The following SAMD9 variants were observed in gnomAD, a reference collection of about 807,000 sequenced individuals.
SAMD9 encodes sterile alpha motif domain containing 9, also known as sterile alpha motif domain-containing protein 9.
A neutral mutation model predicts 1.5 loss-of-function variants in SAMD9; 3 were observed. The ratio of observed to expected loss-of-function variants is 2.05; its 90% CI spans 0.93 to 5.29. The LOEUF (loss-of-function observed/expected upper bound fraction) is 5.29, where lower values mean the gene tolerates loss of function less well. Ranked by LOEUF, SAMD9 falls within the 30% of genes most tolerant of loss-of-function variation. The pLI, the probability that SAMD9 is intolerant of heterozygous loss-of-function variation, is 0.02. For synonymous variants in SAMD9, 635 were observed against 631.9 expected (o/e 1.00, Z -0.07); for missense variants, 1,597 against 1,820.8 (o/e 0.88, Z 2.24).
In SAMD9 at chr7:93,105,723, C is replaced by T. The variant is rs200242487; in HGVS notation, c.375G>A (p.Pro125=). ...CTTTAGCAGTTGTACTCATTGCAGA[C>T]GGATTAGCCATATCTGGGTTCTCTT... is the stretch of plus-strand genomic sequence containing the variant. The part of the protein sequence containing the change: ...KGKENPDMAN[P]SAMSTTAKGS... The change falls in exon 3 of 3, where the codon CCG becomes CCA. Residue 125 remains proline (P), a synonymous_variant. Transcript: ENST00000379958. The T allele has an allele frequency of 7.8e-5, 126 of 1,614,014 alleles. 1 individual carries two copies. Among genetic ancestry groups the T allele is most frequent in the Admixed American group, 1.2e-4 (7 of 60,004 alleles).
chr7:93,116,879 AT>A (rs1374070841), intron 1 of SAMD9, among the ~76,000 whole-genome samples: 3 of 152,146 alleles, frequency 2.0e-5, no homozygotes, highest in African/African-American at 7.2e-5. Flanking sequence ...ACCCACATAC[AT>A]TTTTTAACTC....
chr7:93,116,174 G>T (rs1275092494), intron 1 of SAMD9, among the ~76,000 whole-genome samples: 1 of 152,012 alleles, frequency 6.6e-6, no homozygotes, highest in African/African-American at 2.4e-5. Flanking sequence ...CATCAACTTG[G>T]ACCTTTCACA....
In SAMD9 at chr7:93,104,825, T is replaced by A; in HGVS notation, c.1273A>T (p.Thr425Ser). Residue 425 changes from threonine (T) to serine (S), a missense_variant, in exon 3 of 3, where the codon ACA becomes TCA. Transcript: ENST00000379958. ...TCCTTCAGGAAATCTAAGTGTTTTG[T>A]TTGATCTGGGTGGCATTTATTTGTT... ...LVTNKCHPDQ[T>S]KHLDFLKEIK... The A allele has an allele frequency of 6.2e-7, 1 of 1,613,574 alleles. No individual in the cohort carries two copies. Among genetic ancestry groups the A allele is most frequent in the Non-Finnish European group, 8.5e-7 (1 of 1,179,764 alleles).
intron 2 of SAMD9, among the ~76,000 whole-genome samples, chr7:93,109,026 T>A (rs1017981341): frequency 1.3e-5 from 2 of 152,058 alleles, no homozygotes; most frequent in African/African-American, 4.8e-5. Context: ...GACCCCTGAG[T>A]AGCCTAACTG....
chr7:93,110,080 G>A (rs1334156953), intron 2 of SAMD9, among the ~76,000 whole-genome samples: 1 of 152,182 alleles, frequency 6.6e-6, no homozygotes, highest in African/African-American at 2.4e-5. Flanking sequence ...ACCCACAAAG[G>A]GGAGCCCATC....
Position 93,101,669 on chromosome 7 carries a change from G to A in SAMD9, c.4429C>T (p.Pro1477Ser), listed in dbSNP as rs1029597437. ...TTTCCAAGAAAGAAATATGCAATTGGTTGCTTTGTACGATGCATATGTTTA... is the reference window on the plus strand; with the variant it reads ...TTTCCAAGAAAGAAATATGCAATTGATTGCTTTGTACGATGCATATGTTTA... Reference protein sequence around the residue: ...QYKHMHRTKQPIAYFFLGKGK... With the variant: ...QYKHMHRTKQSIAYFFLGKGK... Residue 1477 changes from proline to serine, a missense_variant, in exon 3 of 3, where the codon CCA becomes TCA. Pro to Ser is a moderately conservative substitution (Grantham distance 74). Around this residue, in one of 6 missense-constraint regions of SAMD9, gnomAD observed 682 missense variants for 810.0 expected, o/e 0.84. Transcript: ENST00000379958. The A allele has an allele frequency of 3.7e-6, 6 of 1,613,478 alleles. No homozygotes were observed. The highest frequency in any genetic ancestry group is 5.1e-6 in the Non-Finnish European group (6 of 1,179,674).
chr7:93,106,370 A>G (rs1791644855), intron 2 of SAMD9, among the ~76,000 whole-genome samples: 1 of 152,138 alleles, frequency 6.6e-6, no homozygotes, highest in Non-Finnish European at 1.5e-5. Flanking sequence ...TCACTAAGTA[A>G]ATTTTGGGAA....
chr7:93,114,217 A>G (rs1383542913), intron 2 of SAMD9, among the ~76,000 whole-genome samples: 1 of 150,612 alleles, frequency 6.6e-6, no homozygotes, highest in Non-Finnish European at 1.5e-5. Context: ...GTCAAACACC[A>G]CATGTTCTCA....
intron 2 of SAMD9, among the ~76,000 whole-genome samples, chr7:93,109,623 G>A (rs938435025): frequency 2.0e-5 from 3 of 152,198 alleles, no homozygotes; most frequent in Non-Finnish European, 4.4e-5. Context: ...TGACCTGATG[G>A]AGCTGAAAAC....
rs1343471757 is a variant in SAMD9 at position 93,105,804 on chromosome 7, G to A, written c.294C>T (p.Asp98=). 6.2e-7 allele frequency: 1 copy of A among 1,613,962 alleles called. No homozygotes were observed. Among genetic ancestry groups the A allele is most frequent in the African/African-American group, 1.3e-5 (1 of 74,898 alleles). ...MGKPSKNAPK[D]QTVSQKERRE... is the part of the protein sequence containing the mutation. ...TACGTTCCTTTTGAGACACAGTTTG[G>A]TCTTTAGGAGCATTTTTACTGGGCT... The change falls in exon 3 of 3, where the codon GAC becomes GAT. Residue 98 remains aspartate (D), a synonymous_variant. Transcript: ENST00000379958.
Position 93,103,265 on chromosome 7 carries a change from C to T in SAMD9, c.2833G>A (p.Gly945Arg), listed in dbSNP as rs1210656416. Residue 945 changes from glycine (G) to arginine (R), a missense_variant, in exon 3 of 3, where the codon GGA becomes AGA. Gly to Arg is a moderately radical substitution (Grantham distance 125). This residue lies in a region of SAMD9 where 682 missense variants were observed against 810.0 expected (regional missense o/e 0.84). Coordinates refer to ENST00000379958, the MANE Select transcript of SAMD9 (RefSeq NM_017654.4). The stretch of plus-strand genomic sequence containing the variant: ...GTCCCCCAGAAAGCCTTCTTGTTTC[C>T]AATTCCTAAGAATTTTTCACACTGT... ...LSQCEKFLGIGNKKAFWGTEK... is the reference protein window; with the variant it reads ...LSQCEKFLGIRNKKAFWGTEK... The T allele has an allele frequency of 6.2e-7, 1 of 1,613,660 alleles. No individual in the cohort carries two copies. The highest frequency in any genetic ancestry group is 1.3e-5 in the African/African-American group (1 of 74,996).
chr7:93,108,748 G>T (rs895053843), intron 2 of SAMD9, among the ~76,000 whole-genome samples: 3 of 152,320 alleles, frequency 2.0e-5, no homozygotes, highest in Non-Finnish European at 4.4e-5. Flanking sequence ...CAGCAAGCCT[G>T]GGGGAGGGGC....
Position 93,102,305 on chromosome 7 carries a change from TC to T in SAMD9, c.3792del (p.Lys1266SerfsTer13). ...TCATCAAAAAAATCAAAGGACTTTTTCAAAGAAAATTTCAATTTAGTTAAAT... is the reference window on the plus strand; with the variant it reads ...TCATCAAAAAAATCAAAGGACTTTTTAAAGAAAATTTCAATTTAGTTAAAT... Reference protein sequence around the residue: ...IPYLTKLKFSLKKSFDFFDEY... With the variant: ...IPYLTKLKFSXKKSFDFFDEY... On this transcript the variant is annotated frameshift_variant, in exon 3 of 3. Transcript: ENST00000379958. LOFTEE classifies it low-confidence loss of function (END_TRUNC). 6.2e-7 allele frequency: 1 copy of T among 1,610,986 alleles called. No individual in the cohort carries two copies. The highest frequency in any genetic ancestry group is 8.5e-7 in the Non-Finnish European group (1 of 1,177,560).
rs775171265 is a variant in SAMD9 at position 93,103,389 on chromosome 7, A to G, written c.2709T>C (p.Asn903=). ...NKEYIENVVR[N]ILKGQNIFTK... is the part of the protein sequence containing the mutation. ...TGAAAATATTCTGCCCTTTCAGGATATTCCGGACCACATTTTCTATGTATT... is the reference window on the plus strand; with the variant it reads ...TGAAAATATTCTGCCCTTTCAGGATGTTCCGGACCACATTTTCTATGTATT... Residue 903 remains asparagine, a synonymous_variant, in exon 3 of 3, where the codon AAT becomes AAC. Coordinates refer to ENST00000379958, the MANE Select transcript of SAMD9 (RefSeq NM_017654.4). 1 of 1,613,572 alleles carries G rather than the reference A, an allele frequency of 6.2e-7. No individual in the cohort carries two copies. The highest frequency in any genetic ancestry group is 1.7e-5 in the Admixed American group (1 of 59,946).
chr7:93,102,070 T>G lies in SAMD9; in HGVS notation c.4028A>C (p.Lys1343Thr). Residue 1343 changes from lysine to threonine, a missense_variant, in exon 3 of 3, where the codon AAG becomes ACG. This residue lies in a region of SAMD9 where 682 missense variants were observed against 810.0 expected (regional missense o/e 0.84). Transcript: ENST00000379958. ...RRNLVALKAD[K>T]FSGLLEYLIK... The stretch of plus-strand genomic sequence containing the variant: ...AAGATATTCCAAGAGCCCAGAAAAC[T>G]TGTCTGCTTTTAAAGCTACTAGGTT... 6.2e-7 allele frequency: 1 copy of G among 1,613,244 alleles called. No homozygotes were observed. The highest frequency in any genetic ancestry group is 1.3e-5 in the African/African-American group (1 of 75,020).
rs777242540 is a variant in SAMD9, at chr7:93,103,880, C to T, written c.2218G>A (p.Gly740Ser). Reference protein sequence around the residue: ...TKIIHLYHHPGCGGTTLAMHI... With the variant: ...TKIIHLYHHPSCGGTTLAMHI... Reference sequence around the variant, plus strand: ...ATAGCCAAGGTAGTTCCCCCACAGCCTGGATGATGATACAGATGAATAATT... The same window carrying T: ...ATAGCCAAGGTAGTTCCCCCACAGCTTGGATGATGATACAGATGAATAATT... Residue 740 changes from glycine to serine, a missense_variant, in exon 3 of 3, where the codon GGC becomes AGC. Coordinates refer to ENST00000379958, the MANE Select transcript of SAMD9 (RefSeq NM_017654.4). 1.1e-5 allele frequency: 18 copies of T among 1,613,868 alleles called. No homozygotes were observed. Among genetic ancestry groups the T allele is most frequent in the Non-Finnish European group, 1.1e-5 (13 of 1,179,878 alleles).
Position 93,103,043 on chromosome 7 carries a change from C to G in SAMD9, c.3055G>C (p.Asp1019His). ...AATTTACTTTTTCCCATACCAGTAT[C>G]GAAGAACAAATTCTCAGTTAGCATA... The part of the protein sequence containing the change: ...LDMLTENLFF[D>H]TGMGKSKFLQ... The change falls in exon 3 of 3, where the codon GAT (aspartate) becomes CAT (histidine). Residue 1019 changes from aspartate (D) to histidine (H), a missense_variant. Physicochemically the swap from Asp to His is moderately conservative, Grantham distance 81. Transcript: ENST00000379958. The G allele has an allele frequency of 6.2e-7, 1 of 1,613,820 alleles. No individual in the cohort carries two copies. The highest frequency in any genetic ancestry group is 8.5e-7 in the Non-Finnish European group (1 of 1,179,766).
intron 2 of SAMD9, among the ~76,000 whole-genome samples, chr7:93,112,682 A>G (rs1352769071): frequency 1.3e-5 from 2 of 152,236 alleles, no homozygotes; most frequent in Non-Finnish European, 2.9e-5. Context: ...GAGCCAAATG[A>G]TGAGTGAACT....
Position 93,101,017 on chromosome 7 carries a change from G to C in SAMD9, c.*311C>G, listed in dbSNP as rs562152169. 55 of 366,188 alleles carry C rather than the reference G, an allele frequency of 1.5e-4. 1 individual carries two copies. The highest frequency in any genetic ancestry group is 9.9e-4 in the South Asian group (33 of 33,216). 22.7% of individuals were successfully genotyped at this position (366,188 alleles called of 1,614,324 possible). ...TCAATCCATGCCTGGTAAGTAGTGG[G>C]GTTCTGTGTAGCCAGCTTATTACAC... On this transcript the variant is annotated 3_prime_UTR_variant, in exon 3 of 3. Coordinates refer to ENST00000379958, the MANE Select transcript of SAMD9 (RefSeq NM_017654.4).
Sources: allele counts gnomAD v4.1 joint callset (sites outside exome capture counted in the v4.1 genomes callset), GRCh38; gene constraint gnomAD v4.1.1; regional missense constraint gnomAD v4.1.1; transcripts MANE v1.5; gene names NCBI Gene and HGNC (gene_info 2026-07-23, HGNC 2026-07-21).